BCAP31: variants seen among roughly 807,000 people sequenced by gnomAD.
The protein encoded by BCAP31 is B cell receptor associated protein 31, also known as B-cell receptor-associated protein 31.
For synonymous variants in BCAP31, 75 were observed against 80.9 expected, an observed-to-expected ratio of 0.93 and a Z score of 0.39; for missense variants, 124 against 193.0, an observed-to-expected ratio of 0.64 and a Z score of 2.12.
At chrX:153,703,760 C>T (rs1240324627) in intron 5 of BCAP31, among the ~76,000 whole-genome samples, 199 bp downstream of exon 5, 3 of 112,254 alleles carry the variant, frequency 2.7e-5, no homozygotes, top group African/African-American at 6.5e-5. Context: ...CCTCCTCACC[C>T]GGACCCTCAC....
intron 2 of BCAP31, among the ~76,000 whole-genome samples, chrX:153,722,847 T>C (rs1348493144): frequency 9.1e-6 from 1 of 110,036 alleles, no homozygotes; most frequent in African/African-American, 3.3e-5. Flanking sequence ...CAGCACCCCG[T>C]GGACCAAGAG....
intron 4 of BCAP31, among the ~76,000 whole-genome samples, chrX:153,714,129 G>A (rs782511665): frequency 2.8e-5 from 3 of 108,728 alleles, no homozygotes; most frequent in Non-Finnish European, 5.7e-5. Context: ...CACCTGCCTC[G>A]GCCTCCCAAA....
At chrX:153,713,223 C>A (rs1206401009) in intron 4 of BCAP31, among the ~76,000 whole-genome samples, 1 of 110,766 alleles carries the variant, frequency 9.0e-6, no homozygotes, top group African/African-American at 3.3e-5. Context: ...AAAGAGTGAG[C>A]CCCCTAAGGC....
At chrX:153,722,027 G>A (rs2091670539) in intron 2 of BCAP31, among the ~76,000 whole-genome samples, 2 of 111,790 alleles carry the variant, frequency 1.8e-5, no homozygotes, top group Middle Eastern at 4.2e-3. Context: ...CCCCATACAC[G>A]TTATTTCTTT....
At chrX:153,712,862 G>A (rs1272902188) in intron 4 of BCAP31, among the ~76,000 whole-genome samples, 4 of 112,051 alleles carry the variant, frequency 3.6e-5, no homozygotes, top group African/African-American at 1.3e-4. Context: ...TGATGCTCTT[G>A]TCCAGCCTTA....
At chrX:153,709,861 G>A (rs2091578136) in intron 4 of BCAP31, among the ~76,000 whole-genome samples, 2 of 113,034 alleles carry the variant, frequency 1.8e-5, no homozygotes, top group South Asian at 7.3e-4. Context: ...TGAAGGGGAA[G>A]AGCCCAGGTT....
chrX:153,707,856 C>G (rs1454775018), intron 4 of BCAP31, among the ~76,000 whole-genome samples: 15 of 113,147 alleles, frequency 1.3e-4, no homozygotes, highest in Admixed American at 3.7e-4. Flanking sequence ...GTCACTCAGG[C>G]ACGTTAACGT....
intron 4 of BCAP31, among the ~76,000 whole-genome samples, chrX:153,710,444 CT>C (rs1557048982): frequency 1.7e-4 from 19 of 111,885 alleles, no homozygotes; most frequent in Admixed American, 5.6e-4. Context: ...GCGCCTCACC[CT>C]GCTGGGCCAC....
rs1557047906 is a variant in BCAP31 at position 153,703,951 on chromosome X, G to A, written c.477+8C>T. On this transcript the variant is annotated splice_region_variant and intron_variant, in intron 5 of 7. Transcript: ENST00000345046. The stretch of plus-strand genomic sequence containing the variant: ...ACGCCCCATGGTGGGTCGGGAAGCT[G>A]GGCTCACCTTCTTGAGCTGGTCATT... 5 of 1,210,290 alleles carry A rather than the reference G, an allele frequency of 4.1e-6. No individual in the cohort carries two copies. The highest frequency in any genetic ancestry group is 4.3e-5 in the Admixed American group (2 of 45,994).
At chrX:153,723,922 G>A (rs1206322914) in intron 1 of BCAP31, 2 of 491,610 alleles carry the variant, frequency 4.1e-6, no homozygotes, top group African/African-American at 2.3e-5. Context: ...CAGGATTCGG[G>A]ACCAAGCGCA....
At chrX:153,707,205 C>A (rs1557048444) in intron 4 of BCAP31, among the ~76,000 whole-genome samples, 2 of 110,867 alleles carry the variant, frequency 1.8e-5, no homozygotes, top group African/African-American at 6.5e-5. Context: ...CCCCAGGCAC[C>A]CGCATGTAAC....
rs2266871 is a variant in BCAP31 at position 153,714,769 on chromosome X, G to A, written c.341+773C>T. Among the ~76,000 whole-genome samples, 284 of 111,022 alleles carry A rather than the reference G, an allele frequency of 2.6e-3. 4 individuals are homozygous for A. In the East Asian group the frequency reaches 0.038, roughly 15 times the overall value. Reference sequence around the variant, plus strand: ...GTGTTGGAATTTAATCCTCACTGCCGTAGCATTAAGAGGTGGGGTCTTTTG... The same window carrying A: ...GTGTTGGAATTTAATCCTCACTGCCATAGCATTAAGAGGTGGGGTCTTTTG... On this transcript the variant is annotated intron_variant, in intron 4 of 7. Transcript: ENST00000345046.
chrX:153,703,525 C>T (rs2091533434), intron 5 of BCAP31, among the ~76,000 whole-genome samples: 2 of 113,182 alleles, frequency 1.8e-5, no homozygotes, highest in South Asian at 3.5e-4. Context: ...CACCTCCTGA[C>T]GGGACGTCTA....
At position 153,715,365 on chromosome X, in the gene BCAP31, T is replaced by C. The variant is rs1449418208; in HGVS notation, c.341+177A>G. ...GCCCTCTCCTACTCTCCACGCTGCC[T>C]CTGGAGGTCAGGAGAAAACTATGTG... On this transcript the variant is annotated intron_variant, in intron 4 of 7. Coordinates refer to ENST00000345046, the MANE Select transcript of BCAP31 (RefSeq NM_001256447.2). 20 of 671,053 alleles carry C rather than the reference T, an allele frequency of 3.0e-5. No homozygotes were observed. In the African/African-American group the frequency reaches 4.4e-4, roughly 15 times the overall value. 55.3% of individuals were successfully genotyped at this position (671,053 alleles called of 1,213,427 possible).
intron 3 of BCAP31, among the ~76,000 whole-genome samples, chrX:153,720,146 C>A (rs782706582): frequency 4.0e-4 from 45 of 111,699 alleles, no homozygotes; most frequent in Non-Finnish European, 7.0e-4. Context: ...CTGCTCCAGG[C>A]AATTCTGCTG....
intron 7 of BCAP31, 38 bp downstream of exon 7, chrX:153,701,969 C>T (rs1392749449): frequency 6.8e-6 from 8 of 1,173,316 alleles, no homozygotes; most frequent in East Asian, 6.0e-5. Flanking sequence ...TCCTGCTCTG[C>T]TCTCCTGCCC....
In BCAP31 at chrX:153,715,637, G is replaced by T. The variant is rs2091621704; in HGVS notation, c.246C>A (p.Leu82=). ...KYDDVTEKVN[L]QNNPGAMEHF... ...GCTCCATGGCCCCGGGATTGTTCTG[G>T]AGGTTCACCTTTTCCGTCACATCAT... Residue 82 remains leucine, a synonymous_variant, in exon 4 of 8, where the codon CTC becomes CTA. Transcript: ENST00000345046. The T allele has an allele frequency of 8.3e-7, 1 of 1,209,780 alleles. No homozygotes were observed.
At chrX:153,724,012 T>C (rs1569540592) in intron 1 of BCAP31, 1 of 361,558 alleles carries the variant, frequency 2.8e-6, no homozygotes, top group Non-Finnish European at 5.3e-6. Flanking sequence ...CCAGGGGTCC[T>C]TACAGTAGCC....
intron 4 of BCAP31, among the ~76,000 whole-genome samples, chrX:153,707,156 C>G (rs2091560273): frequency 9.0e-6 from 1 of 111,279 alleles, no homozygotes; most frequent in East Asian, 2.8e-4. Flanking sequence ...ATCTCCCACC[C>G]CATCAGAGGG....
Sources: allele counts gnomAD v4.1 joint callset (sites outside exome capture counted in the v4.1 genomes callset), GRCh38; gene constraint gnomAD v4.1.1; transcripts MANE v1.5; gene names NCBI Gene and HGNC (gene_info 2026-07-23, HGNC 2026-07-21).